Variants in GRIA4 observed in about 807,000 individuals in gnomAD.
GRIA4 encodes the protein glutamate ionotropic receptor AMPA type subunit 4, also known as glutamate receptor 4.
Under a neutral mutation model 104.0 loss-of-function variants are expected in GRIA4, and 34 were observed. That is an observed-to-expected ratio of 0.33 (90% CI 0.25 to 0.44). The LOEUF (loss-of-function observed/expected upper bound fraction) is 0.44, where lower values mean the gene tolerates loss of function less well. GRIA4 is among the 20% of genes least tolerant of loss of function. GRIA4 has a pLI of 1.00. For missense variants in GRIA4, 750 were observed against 1,096.5 expected (o/e 0.68, Z 4.46); for synonymous variants, 386 against 381.9 (o/e 1.01, Z -0.13).
intron 3 of GRIA4, among the ~76,000 whole-genome samples, chr11:105,679,677 G>C (rs4755107): frequency 6.6e-6 from 1 of 151,670 alleles, no homozygotes; most frequent in East Asian, 1.9e-4. Context: ...AATAAGAACA[G>C]GAAAAAAAGA....
chr11:105,669,926 C>T (rs933532185), intron 3 of GRIA4, among the ~76,000 whole-genome samples: 10 of 152,038 alleles, frequency 6.6e-5, no homozygotes, highest in Admixed American at 6.6e-4. Flanking sequence ...TATTTTAAAA[C>T]AGACATCTAG....
intron 3 of GRIA4, among the ~76,000 whole-genome samples, chr11:105,634,512 A>G (rs1414507088): frequency 1.5e-3 from 54 of 34,928 alleles, no homozygotes; most frequent in African/African-American, 3.1e-3. Flanking sequence ...AAAGAAAGAA[A>G]GAAGAAAGAA....
intron 4 of GRIA4, among the ~76,000 whole-genome samples, chr11:105,781,837 A>G (rs1198805559): frequency 6.6e-6 from 1 of 152,128 alleles, no homozygotes; most frequent in Non-Finnish European, 1.5e-5. Flanking sequence ...CCACCACCCA[A>G]TAAAAAGAGG....
chr11:105,864,227 T>C (rs1307240349), intron 5 of GRIA4, among the ~76,000 whole-genome samples: 7 of 152,210 alleles, frequency 4.6e-5, no homozygotes, highest in African/African-American at 1.7e-4. Context: ...GAACATGCTG[T>C]TGTTGTTGTT....
chr11:105,964,801 T>G (rs11226881), intron 14 of GRIA4, among the ~76,000 whole-genome samples: 43,329 of 148,756 alleles, frequency 0.29, 6,366 homozygotes, highest in African/African-American at 0.32. Context: ...TTTGTTTTTT[T>G]TTTGTTTGTT....
At position 105,645,707 on chromosome 11, in the gene GRIA4, GA is replaced by G. The variant is rs200375388; in HGVS notation, c.247+33280del. ...AATAAAAGAAAAGGAGGATACAGTG[GA>G]AAAAAATAGCACACAATGTAGAGCT... On this transcript the variant is annotated intron_variant, in intron 3 of 16. Transcript: ENST00000282499. 2.1e-4 allele frequency among the ~76,000 whole-genome samples: 32 copies of G among 152,042 alleles called. No individual in the cohort carries two copies. The East Asian group carries it at 6.2e-3, about 29-fold the overall frequency.
chr11:105,771,415 TTC>T lies in GRIA4; in HGVS notation c.487+18199_487+18200del, dbSNP rs1941202993. 3.3e-5 allele frequency among the ~76,000 whole-genome samples: 5 copies of T among 152,098 alleles called. 1 individual carries two copies. The South Asian group carries it at 1.0e-3, about 31-fold the overall frequency. On this transcript the variant is annotated intron_variant, in intron 4 of 16. Coordinates refer to ENST00000282499, the MANE Select transcript of GRIA4 (RefSeq NM_000829.4). ...ATTACTCAACTCTGCTCTGTCAACA[TTC>T]TCTTTGGGGACAATGCTATTTTTGC...
intron 5 of GRIA4, among the ~76,000 whole-genome samples, chr11:105,863,407 T>C (rs1565298022): frequency 6.6e-6 from 1 of 151,482 alleles, no homozygotes; most frequent in Non-Finnish European, 1.5e-5. Flanking sequence ...TATATATATA[T>C]ACTGAAGAAA....
chr11:105,894,585 G>A (rs565769254), intron 6 of GRIA4, among the ~76,000 whole-genome samples: 1 of 152,152 alleles, frequency 6.6e-6, no homozygotes, highest in East Asian at 1.9e-4. Context: ...TTCGTAGATA[G>A]CCAAACAGCA....
At chr11:105,636,044 A>G (rs1192671538) in intron 3 of GRIA4, among the ~76,000 whole-genome samples, 1 of 152,180 alleles carries the variant, frequency 6.6e-6, no homozygotes, top group African/African-American at 2.4e-5. Context: ...GGAAGAACTC[A>G]AAACACTTGC....
At chr11:105,919,325 G>T (rs547524655) in intron 11 of GRIA4, among the ~76,000 whole-genome samples, 2 of 152,136 alleles carry the variant, frequency 1.3e-5, no homozygotes, top group South Asian at 4.1e-4. Context: ...ATAGTTATTT[G>T]TACCTCCATT....
At chr11:105,825,512 C>T (rs1430185037) in intron 4 of GRIA4, among the ~76,000 whole-genome samples, 1 of 152,044 alleles carries the variant, frequency 6.6e-6, no homozygotes, top group Non-Finnish European at 1.5e-5. Flanking sequence ...ACAATTGAGT[C>T]CAAGTTGACT....
At chr11:105,630,554 C>G (rs994360635) in intron 3 of GRIA4, among the ~76,000 whole-genome samples, 1 of 151,870 alleles carries the variant, frequency 6.6e-6, no homozygotes, top group Non-Finnish European at 1.5e-5. Context: ...ACAAGCAAGA[C>G]TCCTTCTAGG....
At chr11:105,694,525 T>C (rs771242457) in intron 3 of GRIA4, among the ~76,000 whole-genome samples, 5 of 152,120 alleles carry the variant, frequency 3.3e-5, no homozygotes, top group Non-Finnish European at 5.9e-5. Context: ...TTTTAACATA[T>C]AATCAACATA....
intron 4 of GRIA4, among the ~76,000 whole-genome samples, chr11:105,773,979 T>G (rs1162152644): frequency 1.3e-5 from 2 of 151,764 alleles, no homozygotes; most frequent in Non-Finnish European, 2.9e-5. Flanking sequence ...CCTAATGAAT[T>G]TTAAGATATA....
chr11:105,629,867 A>C (rs891723659), intron 3 of GRIA4, among the ~76,000 whole-genome samples: 7 of 152,238 alleles, frequency 4.6e-5, no homozygotes, highest in Non-Finnish European at 5.9e-5. Context: ...TAAAATGAAA[A>C]TAAGCTTTAA....
chr11:105,979,277 T>C (rs1271573610), intron 16 of GRIA4, among the ~76,000 whole-genome samples: 2 of 152,226 alleles, frequency 1.3e-5, no homozygotes, highest in African/African-American at 2.4e-5. Flanking sequence ...TACTAAGATA[T>C]ACAGTGCAGC....
chr11:105,812,849 C>A (rs926045211), intron 4 of GRIA4, among the ~76,000 whole-genome samples: 24 of 152,150 alleles, frequency 1.6e-4, no homozygotes, highest in African/African-American at 5.3e-4. Context: ...GCCTGTTAAT[C>A]CCAGCACTTT....
chr11:105,929,697 G>A (rs1947818418), intron 13 of GRIA4, among the ~76,000 whole-genome samples: 1 of 152,076 alleles, frequency 6.6e-6, no homozygotes, highest in Non-Finnish European at 1.5e-5. Flanking sequence ...GCTGTCACTA[G>A]AACATCAGTC....
Sources: allele counts gnomAD v4.1 joint callset (sites outside exome capture counted in the v4.1 genomes callset), GRCh38; gene constraint gnomAD v4.1.1; transcripts MANE v1.5; gene names NCBI Gene and HGNC (gene_info 2026-07-23, HGNC 2026-07-21).